Variants in TBXAS1 observed in about 807,000 individuals in gnomAD.
TBXAS1 encodes thromboxane A synthase 1.
In TBXAS1, 48 loss-of-function variants were observed where a neutral mutation model predicts 60.7. The observed-to-expected ratio is 0.79, with a 90% CI of 0.63 to 1.01. The LOEUF is 1.01. Ranked by LOEUF, TBXAS1 falls within the 50% of genes least tolerant of loss-of-function variation. The pLI is 0.00. For synonymous variants in TBXAS1, 287 were observed against 269.7 expected (o/e 1.06, Z -0.63); for missense variants, 685 against 686.3 (o/e 1.00, Z 0.02).
rs748250240 is a variant in TBXAS1 at position 140,020,140 on chromosome 7, C to T, written c.*41C>T. On this transcript the variant is annotated 3_prime_UTR_variant, in exon 13 of 13. Coordinates refer to ENST00000448866, the MANE Select transcript of TBXAS1 (RefSeq NM_001061.7). ...GGTGGGGGGAGGGCACCCCCAAATT[C>T]AAAGAAAACCCTAAGTGTGGATGTT... 1 of 1,592,640 alleles carries T rather than the reference C, an allele frequency of 6.3e-7. No individual in the cohort carries two copies. The highest frequency in any genetic ancestry group is 1.1e-5 in the South Asian group (1 of 90,600).
chr7:139,970,366 C>A (rs2117438503), intron 9 of TBXAS1, among the ~76,000 whole-genome samples: 1 of 152,328 alleles, frequency 6.6e-6, no homozygotes, highest in Middle Eastern at 3.4e-3. Flanking sequence ...CTCGGCCTCC[C>A]AAAGTGCTGG....
intron 3 of TBXAS1, among the ~76,000 whole-genome samples, chr7:139,899,647 G>A (rs987516302): frequency 2.6e-5 from 4 of 152,168 alleles, no homozygotes; most frequent in Admixed American, 6.5e-5. Context: ...TTTCTTGCCC[G>A]GAAAGGAGTC....
At position 139,786,576 on chromosome 7, in the gene TBXAS1, C is replaced by T. The variant is rs150629391; in HGVS notation, c.-168-762C>T. The stretch of plus-strand genomic sequence containing the variant: ...TTTTTATTTTATTTTTTCATATAAT[C>T]CTGAAGCTTTTCACTCTATGTGGAA... On this transcript the variant is annotated intron_variant, in intron 3 of 16. Coordinates refer to the TBXAS1 transcript ENST00000336425. 4.0e-5 allele frequency among the ~76,000 whole-genome samples: 6 copies of T among 151,892 alleles called. No individual in the cohort carries two copies. In the East Asian group the frequency reaches 1.2e-3, roughly 29 times the overall value.
chr7:139,863,170 C>T lies in TBXAS1; in HGVS notation c.90-9065C>T, dbSNP rs567510895. ...TGCCTGAGACACAGGAAACTAAAAA[C>T]TATTGTAAATTATAATAATAGTAAT... On this transcript the variant is annotated intron_variant, in intron 1 of 12. Transcript: ENST00000448866. Among the ~76,000 whole-genome samples, 31 of 152,242 alleles carry T rather than the reference C, an allele frequency of 2.0e-4. No individual in the cohort carries two copies. In the South Asian group the frequency reaches 5.2e-3, roughly 25 times the overall value.
intron 4 of TBXAS1, among the ~76,000 whole-genome samples, chr7:139,918,301 C>G (rs1440781364): frequency 2.0e-5 from 3 of 152,182 alleles, no homozygotes; most frequent in African/African-American, 7.2e-5. Flanking sequence ...TCCCTAAGGT[C>G]TGTTTGGTGC....
intron 5 of TBXAS1, among the ~76,000 whole-genome samples, 196 bp downstream of exon 5, chr7:139,936,503 T>C (rs1248060783): frequency 2.0e-5 from 3 of 152,150 alleles, no homozygotes; most frequent in Non-Finnish European, 4.4e-5. Context: ...CTCTCCAGCC[T>C]CCCATATCCC....
intron 10 of TBXAS1, among the ~76,000 whole-genome samples, chr7:140,009,607 TGCCCCACACCC>T (rs1814384892): frequency 8.4e-5 from 1 of 11,862 alleles, no homozygotes; most frequent in East Asian, 2.6e-3. Context: ...ACCCCACACC[TGCCCCACACCC>T]GCCCCACACC....
At chr7:139,875,681 A>G (rs1232643545) in intron 3 of TBXAS1, 44 bp downstream of exon 3, 1 of 1,607,470 alleles carries the variant, frequency 6.2e-7, no homozygotes, top group Admixed American at 1.7e-5. Context: ...GATATTTTCT[A>G]TTATGTACGA....
At chr7:139,870,031 T>C (rs1366174476) in intron 1 of TBXAS1, among the ~76,000 whole-genome samples, 1 of 152,190 alleles carries the variant, frequency 6.6e-6, no homozygotes, top group African/African-American at 2.4e-5. Context: ...ATGGCAATAT[T>C]TGGCCAGTTT....
At chr7:139,987,191 T>C (rs1483671952) in intron 9 of TBXAS1, among the ~76,000 whole-genome samples, 1 of 152,078 alleles carries the variant, frequency 6.6e-6, no homozygotes, top group Non-Finnish European at 1.5e-5. Flanking sequence ...CCTGGGCATT[T>C]GGCATTTGGG....
At position 139,801,092 on chromosome 7, in the gene TBXAS1, T is replaced by C. The variant is rs1797711483; in HGVS notation, c.-80+13666T>C. Among the ~76,000 whole-genome samples the C allele has an allele frequency of 2.6e-5, 4 of 152,222 alleles. No individual in the cohort carries two copies. In the South Asian group the frequency reaches 8.3e-4, roughly 32 times the overall value. On this transcript the variant is annotated intron_variant, in intron 4 of 16. Transcript: ENST00000336425. ...GATGACATTAACCTTATCAGTTAGTTTGAGGGAAATCAGTATCTTTGCAAT... is the reference window on the plus strand; with the variant it reads ...GATGACATTAACCTTATCAGTTAGTCTGAGGGAAATCAGTATCTTTGCAAT...
intron 4 of TBXAS1, among the ~76,000 whole-genome samples, chr7:139,932,795 G>A (rs1487840068): frequency 6.6e-6 from 1 of 152,168 alleles, no homozygotes; most frequent in African/African-American, 2.4e-5. Context: ...AGTGGCTCAT[G>A]CCTGTAATCC....
chr7:139,834,110 T>C (rs1482149467), intron 1 of TBXAS1, among the ~76,000 whole-genome samples: 1 of 152,130 alleles, frequency 6.6e-6, no homozygotes, highest in Non-Finnish European at 1.5e-5. Flanking sequence ...TATCAAGCAC[T>C]CTCTCAGACC....
chr7:139,815,987 C>T (rs1332945343), intron 4 of TBXAS1, among the ~76,000 whole-genome samples: 1 of 152,196 alleles, frequency 6.6e-6, no homozygotes, highest in Admixed American at 6.5e-5. Flanking sequence ...TTGTAATCCC[C>T]ACTTGTCAAG....
intron 1 of TBXAS1, among the ~76,000 whole-genome samples, chr7:139,858,026 G>A (rs1181086176): frequency 2.0e-5 from 3 of 152,098 alleles, no homozygotes; most frequent in Admixed American, 6.5e-5. Flanking sequence ...GAGCTACCAC[G>A]CCTGGCCTTG....
chr7:139,875,512 G>A, intron 2 of TBXAS1, 73 bp from the exon 3 acceptor site: 1 of 1,282,460 alleles, frequency 7.8e-7, no homozygotes, highest in Admixed American at 1.7e-5. Context: ...GTTCCAAATT[G>A]TTTACTGAAT....
chr7:139,889,979 G>T (rs1297732520), intron 3 of TBXAS1, among the ~76,000 whole-genome samples: 3 of 152,100 alleles, frequency 2.0e-5, no homozygotes. Context: ...AGAGGAATGG[G>T]AGCTCCAGGG....
At position 139,896,227 on chromosome 7, in the gene TBXAS1, G is replaced by A. The variant is rs574585671; in HGVS notation, c.237-14998G>A. Among the ~76,000 whole-genome samples the A allele has an allele frequency of 3.3e-5, 5 of 152,098 alleles. No individual in the cohort carries two copies. Among genetic ancestry groups the A allele is most frequent in the East Asian group, 3.9e-4 (2 of 5,172 alleles). On this transcript the variant is annotated intron_variant, in intron 3 of 12. Coordinates refer to ENST00000448866, the MANE Select transcript of TBXAS1 (RefSeq NM_001061.7). The surrounding 1 kb of genome is among the most constrained non-coding windows in gnomAD (Gnocchi z 4.0). ...TCAGGAGCTTATCAATAAACAGAGG[G>A]TGATGCAGGTCAGTAGAGGAAAGGA...
At chr7:140,014,045 G>C (rs1279652606) in intron 10 of TBXAS1, among the ~76,000 whole-genome samples, 1 of 152,190 alleles carries the variant, frequency 6.6e-6, no homozygotes, top group Non-Finnish European at 1.5e-5. Context: ...TCCAGCTCCA[G>C]CTCCCTGTTC....
Sources: allele counts gnomAD v4.1 joint callset (sites outside exome capture counted in the v4.1 genomes callset), GRCh38; gene constraint gnomAD v4.1.1; non-coding constraint Gnocchi (gnomAD v3.1); transcripts MANE v1.5; gene names NCBI Gene and HGNC (gene_info 2026-07-23, HGNC 2026-07-21).